SAP130: variants seen among roughly 807,000 people sequenced by gnomAD.
SAP130 encodes the protein histone deacetylase complex subunit SAP130.
Under a neutral mutation model 103.2 loss-of-function variants are expected in SAP130, and 16 were observed. The ratio of observed to expected loss-of-function variants is 0.16; its 90% CI spans 0.10 to 0.24. The LOEUF (loss-of-function observed/expected upper bound fraction) is 0.24. SAP130 is among the 10% of genes least tolerant of loss of function. SAP130 has a pLI of 1.00. For synonymous variants in SAP130, 477 were observed against 497.0 expected, an observed-to-expected ratio of 0.96 and a Z score of 0.53; for missense variants, 990 against 1,359.7, an observed-to-expected ratio of 0.73 and a Z score of 4.28.
At chr2:127,992,523 G>T (rs1374268642) in intron 12 of SAP130, among the ~76,000 whole-genome samples, 1 of 151,844 alleles carries the variant, frequency 6.6e-6, no homozygotes, top group African/African-American at 2.4e-5. Flanking sequence ...CAAGTGATCT[G>T]CCTGCCCTGC....
At chr2:127,977,335 C>CAAA (rs36038328) in intron 15 of SAP130, among the ~76,000 whole-genome samples, 27 of 111,702 alleles carry the variant, frequency 2.4e-4, no homozygotes, top group African/African-American at 5.4e-4. Context: ...ACTTAAAATA[C>CAAA]AAAAAAAAAA....
At chr2:127,972,074 T>C (rs578083758) in intron 15 of SAP130, among the ~76,000 whole-genome samples, 3 of 152,320 alleles carry the variant, frequency 2.0e-5, no homozygotes, top group Admixed American at 6.5e-5. Context: ...CTCTCTTCTT[T>C]CAGGTGCCAC....
intron 12 of SAP130, among the ~76,000 whole-genome samples, chr2:127,990,938 CAAAAAAAAA>C (rs36073149): frequency 6.7e-5 from 8 of 119,450 alleles, no homozygotes; most frequent in Middle Eastern, 4.3e-3. Flanking sequence ...AAGACTGTCT[CAAAAAAAAA>C]AAAAAAAAAG....
At chr2:128,027,500 C>A (rs987520442) in intron 1 of SAP130, among the ~76,000 whole-genome samples, 4 of 152,042 alleles carry the variant, frequency 2.6e-5, no homozygotes, top group East Asian at 1.9e-4. Flanking sequence ...GACAGGCGCC[C>A]CCGGCGAAGG....
intron 15 of SAP130, among the ~76,000 whole-genome samples, chr2:127,963,746 C>T (rs78775283): frequency 0.021 from 3,164 of 152,150 alleles, 49 homozygotes; most frequent in African/African-American, 0.042. Context: ...TGAGATCTGA[C>T]GGTTTTAAAA....
chr2:127,988,888 A>C (rs192228727), intron 13 of SAP130, among the ~76,000 whole-genome samples: 12 of 152,260 alleles, frequency 7.9e-5, no homozygotes, highest in Non-Finnish European at 1.0e-4. Context: ...TCCATTTTTC[A>C]AAATGTTATT....
intron 3 of SAP130, 135 bp downstream of exon 3, chr2:128,017,545 G>C (rs1278978833): frequency 2.0e-5 from 15 of 732,106 alleles, no homozygotes; most frequent in Non-Finnish European, 3.1e-5. Context: ...TTACAGAAAG[G>C]AGCTGAACTC....
At chr2:127,947,850 G>T (rs554817428) in intron 18 of SAP130, among the ~76,000 whole-genome samples, 4 of 151,352 alleles carry the variant, frequency 2.6e-5, no homozygotes, top group Admixed American at 2.6e-4. Context: ...GCAGTAGCAT[G>T]ATCTCGGCTT....
intron 6 of SAP130, among the ~76,000 whole-genome samples, chr2:128,010,902 GAATT>G (rs1684344859): frequency 9.7e-6 from 1 of 102,596 alleles, no homozygotes. Context: ...CTAAGAGTCA[GAATT>G]ATTAAAAAAA....
intron 14 of SAP130, among the ~76,000 whole-genome samples, chr2:127,981,492 T>C (rs369828779): frequency 0.036 from 732 of 20,510 alleles, 3 homozygotes; most frequent in Non-Finnish European, 0.038. Context: ...CTCAGCTCCC[T>C]CACCCCGACC....
At chr2:127,962,837 C>A (rs1295269993) in intron 15 of SAP130, among the ~76,000 whole-genome samples, 1 of 150,488 alleles carries the variant, frequency 6.6e-6, no homozygotes, top group South Asian at 2.1e-4. Context: ...ATGTAACAAA[C>A]CTGCACGTTG....
chr2:128,002,482 T>C (rs1304598012), intron 7 of SAP130, among the ~76,000 whole-genome samples: 2 of 151,906 alleles, frequency 1.3e-5, no homozygotes, highest in Admixed American at 6.6e-5. Flanking sequence ...TGAGCCAAGA[T>C]TGTACCACTG....
Position 127,989,775 on chromosome 2 carries a change from T to C in SAP130, c.1569A>G (p.Thr523=). 6.2e-7 allele frequency: 1 copy of C among 1,614,226 alleles called. No homozygotes were observed. The highest frequency in any genetic ancestry group is 1.1e-5 in the South Asian group (1 of 91,080). ...TATGTCGAGCATGCGATGCATCCAC[T>C]GTCATCAACTGCATGGGGTTTAGGT... ...TVHLNPMQLM[T]VDASHARHIQ... is the part of the protein sequence containing the mutation. Residue 523 remains threonine (T), a synonymous_variant, in exon 13 of 21, where the codon ACA becomes ACG. Coordinates refer to ENST00000643581, the MANE Select transcript of SAP130 (RefSeq NM_001330301.2). This position sits in a 1 kb window ranked among gnomAD's most constrained non-coding sequence, Gnocchi z 4.6.
chr2:128,017,696 G>A lies in SAP130; in HGVS notation c.332C>T (p.Ser111Leu), dbSNP rs750756873. 2 of 1,614,154 alleles carry A rather than the reference G, an allele frequency of 1.2e-6. No individual in the cohort carries two copies. Among genetic ancestry groups the A allele is most frequent in the Non-Finnish European group, 1.7e-6 (2 of 1,180,014 alleles). The change falls in exon 3 of 21, where the codon TCG becomes TTG. Residue 111 changes from serine to leucine, a missense_variant. Around this residue, in one of 6 missense-constraint regions of SAP130, gnomAD observed 167 missense variants for 187.4 expected, o/e 0.89. Transcript: ENST00000643581. ...HLTPAVPLSF[S>L]EGLMKPPPKP... Reference sequence around the variant, plus strand: ...CTCCATTACCTTCATAAGTCCCTCCGAAAATGAAAGTGGCACTGCTGGCGT... The same window carrying A: ...CTCCATTACCTTCATAAGTCCCTCCAAAAATGAAAGTGGCACTGCTGGCGT...
At chr2:127,998,059 G>A (rs1683292582) in intron 10 of SAP130, among the ~76,000 whole-genome samples, 1 of 150,430 alleles carries the variant, frequency 6.6e-6, no homozygotes, top group East Asian at 1.9e-4. Flanking sequence ...AGTGAGCTGA[G>A]AGCATGCCAC....
intron 15 of SAP130, 100 bp downstream of exon 15, chr2:127,977,879 GGCTATA>G (rs1337877053): frequency 1.2e-6 from 1 of 855,128 alleles, no homozygotes; most frequent in African/African-American, 1.7e-5. Context: ...CTCCAGCCTG[GGCTATA>G]TAACCTAACA....
intron 18 of SAP130, among the ~76,000 whole-genome samples, 192 bp downstream of exon 18, chr2:127,949,677 C>G (rs1029562026): frequency 1.3e-5 from 2 of 152,124 alleles, no homozygotes; most frequent in African/African-American, 2.4e-5. Flanking sequence ...ACACAGCTTG[C>G]TAGGGCAAAG....
intron 15 of SAP130, among the ~76,000 whole-genome samples, chr2:127,977,569 G>A (rs1362137532): frequency 1.3e-5 from 2 of 152,144 alleles, no homozygotes; most frequent in Non-Finnish European, 2.9e-5. Context: ...CTGGGTGTTT[G>A]CTATAAGGCA....
At chr2:128,010,062 G>A (rs776078447) in intron 7 of SAP130, among the ~76,000 whole-genome samples, 2 of 151,470 alleles carry the variant, frequency 1.3e-5, no homozygotes, top group Admixed American at 6.6e-5. Flanking sequence ...CATATTTATC[G>A]CGTCTCCAGC....
Sources: gnomAD v4.1 joint callset for allele counts (sites outside exome capture counted in the v4.1 genomes callset) on GRCh38, gnomAD v4.1.1 for gene constraint, gnomAD v4.1.1 regional missense constraint, Gnocchi (gnomAD v3.1) non-coding constraint, MANE v1.5 for transcripts, NCBI Gene and HGNC (gene_info 2026-07-23, HGNC 2026-07-21) for gene names.